ARHGAP23: variants seen among roughly 807,000 people sequenced by gnomAD.
ARHGAP23 encodes the protein rho GTPase-activating protein 23.
A neutral mutation model predicts 136.3 loss-of-function variants in ARHGAP23; 34 were observed. The observed-to-expected ratio is 0.25, with a 90% CI of 0.19 to 0.33. ARHGAP23 has a LOEUF of 0.33. Ranked by LOEUF, ARHGAP23 falls within the 10% of genes least tolerant of loss-of-function variation. ARHGAP23 has a pLI of 1.00. For synonymous variants in ARHGAP23, 832 were observed against 920.5 expected (o/e 0.90, Z 1.74); for missense variants, 1,808 against 2,139.0 (o/e 0.85, Z 3.05).
intron 19 of ARHGAP23, among the ~76,000 whole-genome samples, chr17:38,490,922 T>C (rs993529516): frequency 6.6e-6 from 1 of 152,160 alleles, no homozygotes; most frequent in African/African-American, 2.4e-5. Context: ...TTTTGTTTGT[T>C]TGTTTGTTTG....
intron 23 of ARHGAP23, among the ~76,000 whole-genome samples, chr17:38,501,962 T>C (rs1285370022): frequency 6.6e-6 from 1 of 151,930 alleles, no homozygotes; most frequent in Admixed American, 6.6e-5. Context: ...TTAAATGTTA[T>C]TTAAATAGTT....
intron 1 of ARHGAP23, among the ~76,000 whole-genome samples, chr17:38,420,042 G>A (rs1026017364): frequency 1.3e-5 from 2 of 152,206 alleles, no homozygotes; most frequent in African/African-American, 4.8e-5. Flanking sequence ...GCCAGGTTTT[G>A]GGAGGGGGGT....
chr17:38,484,378 G>T (rs2040114817), intron 16 of ARHGAP23, among the ~76,000 whole-genome samples: 1 of 152,096 alleles, frequency 6.6e-6, no homozygotes, highest in African/African-American at 2.4e-5. Context: ...TTGGATTTGG[G>T]GTGTGGAAAG....
intron 11 of ARHGAP23, among the ~76,000 whole-genome samples, chr17:38,476,128 G>A (rs576048285): frequency 4.9e-4 from 75 of 152,360 alleles, no homozygotes; most frequent in Non-Finnish European, 1.9e-4. Context: ...TTCTGAGGGC[G>A]ATGGGATCCC....
chr17:38,436,300 G>A (rs2038795988), intron 1 of ARHGAP23, among the ~76,000 whole-genome samples: 2 of 152,184 alleles, frequency 1.3e-5, no homozygotes. Flanking sequence ...TGGCCCAGAG[G>A]CCTAGGTACC....
chr17:38,477,751 A>G lies in ARHGAP23; in HGVS notation c.2291A>G (p.Asp764Gly). Residue 764 changes from aspartate (D) to glycine (G), a missense_variant, in exon 12 of 24, where the codon GAC becomes GGC. Physicochemically the swap from Asp to Gly is moderately conservative, Grantham distance 94. Around this residue, in one of 7 missense-constraint regions of ARHGAP23, gnomAD observed 139 missense variants for 264.3 expected, o/e 0.53. Transcript: ENST00000622683. The surrounding 1 kb of genome is among the most constrained non-coding windows in gnomAD (Gnocchi z 6.6). The stretch of plus-strand genomic sequence containing the variant: ...GTCTGCATCGGCTCCTGCCTCGTGG[A>G]CATCTCCTACAGCGAGACCAAGAGG... ...APVCIGSCLV[D>G]ISYSETKRRH... The G allele has an allele frequency of 6.5e-7, 1 of 1,549,016 alleles. No individual in the cohort carries two copies. Among genetic ancestry groups the G allele is most frequent in the Non-Finnish European group, 8.7e-7 (1 of 1,146,084 alleles).
At chr17:38,448,643 T>G (rs1205895075) in intron 1 of ARHGAP23, among the ~76,000 whole-genome samples, 1 of 79,258 alleles carries the variant, frequency 1.3e-5, no homozygotes, top group Non-Finnish European at 2.7e-5. Flanking sequence ...CTTGGGGAGT[T>G]TTTTTTTTTT....
At position 38,477,622 on chromosome 17, in the gene ARHGAP23, C is replaced by T. The variant is rs1379600919; in HGVS notation, c.2162C>T (p.Ala721Val). ...CGCCAGTGGAAGCGGGTGTACGCCG[C>T]GCTGCGGGCGCGCTCGCTCTCGCTG... The part of the protein sequence containing the change: ...GLRQWKRVYA[A>V]LRARSLSLSK... The change falls in exon 12 of 24, where the codon GCG becomes GTG. Residue 721 changes from alanine to valine, a missense_variant. Transcript: ENST00000622683. The surrounding 1 kb of genome is among the most constrained non-coding windows in gnomAD (Gnocchi z 6.6). 11 of 1,273,164 alleles carry T rather than the reference C, an allele frequency of 8.6e-6. 1 individual carries two copies. The South Asian group carries it at 1.2e-4, about 13-fold the overall frequency. 78.9% of individuals were successfully genotyped at this position (1,273,164 alleles called of 1,614,324 possible).
rs577096563 is a variant in ARHGAP23, at chr17:38,464,829, C to T, written c.484-1338C>T. Among the ~76,000 whole-genome samples the T allele has an allele frequency of 1.4e-3, 207 of 152,302 alleles. 1 individual carries two copies. The highest frequency in any genetic ancestry group is 4.8e-3 in the African/African-American group (199 of 41,568). ...GCATCTGGGGGCCTCCACTGGCCCC[C>T]GCATCTCTGCCAGCCGGAGGGTGGG... On this transcript the variant is annotated intron_variant, in intron 6 of 23. Coordinates refer to ENST00000622683, the MANE Select transcript of ARHGAP23 (RefSeq NM_001199417.2).
chr17:38,497,276 C>T (rs1170962185), intron 20 of ARHGAP23, among the ~76,000 whole-genome samples: 1 of 152,248 alleles, frequency 6.6e-6, no homozygotes, highest in Non-Finnish European at 1.5e-5. Flanking sequence ...CAACGCCTTT[C>T]TCCTGTCATT....
chr17:38,468,281 C>G (rs896992388), intron 7 of ARHGAP23, among the ~76,000 whole-genome samples: 1 of 152,166 alleles, frequency 6.6e-6, no homozygotes, highest in Non-Finnish European at 1.5e-5. Flanking sequence ...GCCTTGCCTT[C>G]GACTGGATGC....
At chr17:38,498,196 C>T (rs1170320369) in intron 21 of ARHGAP23, among the ~76,000 whole-genome samples, 2 of 152,164 alleles carry the variant, frequency 1.3e-5, no homozygotes, top group Non-Finnish European at 2.9e-5. Flanking sequence ...CTCTGGCCTT[C>T]GCGGTTCCCA....
At chr17:38,465,457 C>A (rs2039567188) in intron 6 of ARHGAP23, among the ~76,000 whole-genome samples, 5 of 152,210 alleles carry the variant, frequency 3.3e-5, no homozygotes. Flanking sequence ...AGGGGCCAGG[C>A]TGGGCCCAGG....
rs1729286447 is a variant in ARHGAP23, at chr17:38,510,266, A to G, written c.3770A>G (p.Asp1257Gly). ...VSGYSTLSTMDRSVCSGASGR... is the reference protein window; with the variant it reads ...VSGYSTLSTMGRSVCSGASGR... ...GGCTACTCCACCCTGTCCACCATGG[A>G]CCGCAGCGTGTGCTCGGGCGCTAGC... Residue 1257 changes from aspartate to glycine, a missense_variant, in exon 24 of 24, where the codon GAC becomes GGC. Physicochemically the swap from Asp to Gly is moderately conservative, Grantham distance 94. Around this residue, in one of 7 missense-constraint regions of ARHGAP23, gnomAD observed 506 missense variants for 455.8 expected, o/e 1.11. Coordinates refer to ENST00000622683, the MANE Select transcript of ARHGAP23 (RefSeq NM_001199417.2). This position sits in a 1 kb window ranked among gnomAD's most constrained non-coding sequence, Gnocchi z 4.6. 7.7e-7 allele frequency: 1 copy of G among 1,306,890 alleles called. No individual in the cohort carries two copies. Among genetic ancestry groups the G allele is most frequent in the Non-Finnish European group, 9.7e-7 (1 of 1,029,218 alleles). The allele number at this position is 1,306,890 out of a possible 1,614,324, so 81.0% of individuals were successfully genotyped here.
At chr17:38,446,181 ATTTTTTTT>A (rs5820259) in intron 1 of ARHGAP23, among the ~76,000 whole-genome samples, 11 of 99,624 alleles carry the variant, frequency 1.1e-4, no homozygotes, top group East Asian at 2.8e-4. Context: ...CACCTGGCTA[ATTTTTTTT>A]TTTTTTTTTT....
chr17:38,478,974 C>G, intron 12 of ARHGAP23, among the ~76,000 whole-genome samples: 1 of 152,176 alleles, frequency 6.6e-6, no homozygotes, highest in Non-Finnish European at 1.5e-5. Context: ...GCTCTGCTCT[C>G]CCGGGAACAG....
At chr17:38,463,853 C>T (rs1567796007) in intron 6 of ARHGAP23, among the ~76,000 whole-genome samples, 1 of 152,146 alleles carries the variant, frequency 6.6e-6, no homozygotes, top group African/African-American at 2.4e-5. Context: ...CCCCACAGTC[C>T]CACCCTCTGT....
upstream of ARHGAP23, among the ~76,000 whole-genome samples, chr17:38,424,611 C>T (rs1363189339): frequency 2.0e-5 from 3 of 152,164 alleles, no homozygotes; most frequent in Admixed American, 2.0e-4. Context: ...CCCCTGGTCT[C>T]AGGGACTACC....
chr17:38,455,207 G>A lies in ARHGAP23; in HGVS notation c.64-2895G>A, dbSNP rs578235935. On this transcript the variant is annotated intron_variant, in intron 1 of 23. Transcript: ENST00000622683. Reference sequence around the variant, plus strand: ...AAACATGCATGTATTATAGCATGAAGGATTGAGGTTAAACAAGGAAGAACT... The same window carrying A: ...AAACATGCATGTATTATAGCATGAAAGATTGAGGTTAAACAAGGAAGAACT... Among the ~76,000 whole-genome samples the A allele has an allele frequency of 6.3e-4, 96 of 152,346 alleles. 1 individual carries two copies. In the South Asian group the frequency reaches 0.019, roughly 31 times the overall value.
Sources: gnomAD v4.1 joint callset for allele counts (sites outside exome capture counted in the v4.1 genomes callset) on GRCh38, gnomAD v4.1.1 for gene constraint, gnomAD v4.1.1 regional missense constraint, Gnocchi (gnomAD v3.1) non-coding constraint, MANE v1.5 for transcripts, NCBI Gene and HGNC (gene_info 2026-07-23, HGNC 2026-07-21) for gene names.